The following SNX13 variants were observed in gnomAD, a reference collection of about 807,000 sequenced individuals.
The protein encoded by SNX13 is sorting nexin-13.
A neutral mutation model predicts 133.6 loss-of-function variants in SNX13; 45 were observed. That is an observed-to-expected ratio of 0.34 (90% CI 0.27 to 0.43). SNX13 has a LOEUF of 0.43. Ranked by LOEUF, SNX13 falls within the 20% of genes least tolerant of loss-of-function variation. SNX13 has a pLI of 1.00. For synonymous variants in SNX13, 414 were observed against 373.9 expected, an observed-to-expected ratio of 1.11 and a Z score of -1.24; for missense variants, 1,032 against 1,145.1, an observed-to-expected ratio of 0.90 and a Z score of 1.43.
intron 20 of SNX13, among the ~76,000 whole-genome samples, chr7:17,806,186 C>A (rs978997887): frequency 3.7e-5 from 5 of 136,520 alleles, no homozygotes; most frequent in Non-Finnish European, 7.8e-5. Flanking sequence ...AAATTTAGAT[C>A]TCTAATTATA....
At chr7:17,921,070 G>T (rs1039151707) in intron 1 of SNX13, among the ~76,000 whole-genome samples, 42 of 152,022 alleles carry the variant, frequency 2.8e-4, no homozygotes, top group African/African-American at 9.7e-4. Context: ...GGAGCCTGTG[G>T]GACAACAGCC....
At chr7:17,823,030 G>A (rs1006351934) in intron 17 of SNX13, among the ~76,000 whole-genome samples, 1 of 152,038 alleles carries the variant, frequency 6.6e-6, no homozygotes, top group Non-Finnish European at 1.5e-5. Context: ...GTGACTCTAG[G>A]CTTTATGTAA....
intron 20 of SNX13, among the ~76,000 whole-genome samples, chr7:17,807,603 G>A (rs1268537954): frequency 1.3e-5 from 2 of 152,236 alleles, no homozygotes; most frequent in Admixed American, 1.3e-4. Flanking sequence ...CCAGCACAGC[G>A]ATCGAGCTCT....
intron 9 of SNX13, among the ~76,000 whole-genome samples, chr7:17,862,391 T>C (rs1007175037): frequency 2.6e-5 from 4 of 152,162 alleles, no homozygotes; most frequent in African/African-American, 7.2e-5. Context: ...TTCTACCGCT[T>C]AAAAACATAC....
intron 7 of SNX13, among the ~76,000 whole-genome samples, chr7:17,874,170 T>A (rs1295428058): frequency 6.6e-6 from 1 of 152,220 alleles, no homozygotes; most frequent in Non-Finnish European, 1.5e-5. Context: ...ACAAAGAGTC[T>A]GAACTGCTCA....
rs549207726 is a variant in SNX13 at position 17,908,807 on chromosome 7, A to T, written c.13-11361T>A. 1.4e-4 allele frequency among the ~76,000 whole-genome samples: 21 copies of T among 152,322 alleles called. No homozygotes were observed. The South Asian group carries it at 4.1e-3, about 30-fold the overall frequency. ...AAAACAATACAGTAAGTAAAATGAC[A>T]TATGCTTCAGTTATTACAAGACTTT... is the stretch of plus-strand genomic sequence containing the variant. On this transcript the variant is annotated intron_variant, in intron 1 of 25. Transcript: ENST00000428135.
chr7:17,887,449 G>A (rs1300752619), intron 5 of SNX13, among the ~76,000 whole-genome samples: 1 of 152,022 alleles, frequency 6.6e-6, no homozygotes, highest in African/African-American at 2.4e-5. Context: ...GGTGCTGGAG[G>A]AAAGTTTCCT....
At chr7:17,919,353 T>C (rs952702691) in intron 1 of SNX13, among the ~76,000 whole-genome samples, 7 of 152,290 alleles carry the variant, frequency 4.6e-5, no homozygotes, top group Middle Eastern at 3.4e-3. Flanking sequence ...GGTGACATAC[T>C]ATAGCAAAGT....
chr7:17,893,535 C>T (rs1293842168), intron 2 of SNX13, 101 bp from the exon 3 acceptor site: 1 of 721,956 alleles, frequency 1.4e-6, no homozygotes, highest in African/African-American at 1.8e-5. Flanking sequence ...GATGGCTTAT[C>T]ATTTACTAAA....
At chr7:17,884,259 G>T (rs1795714370) in intron 5 of SNX13, among the ~76,000 whole-genome samples, 1 of 152,136 alleles carries the variant, frequency 6.6e-6, no homozygotes, top group Non-Finnish European at 1.5e-5. Flanking sequence ...GTGATCTTTG[G>T]ATTGTGGGTC....
At chr7:17,798,064 A>G (rs2691585) in intron 24 of SNX13, among the ~76,000 whole-genome samples, 86,009 of 151,672 alleles carry the variant, frequency 0.57, 24,875 homozygotes, top group East Asian at 0.73. Flanking sequence ...TTCAAAATAC[A>G]TGATGCCATG....
intron 3 of SNX13, among the ~76,000 whole-genome samples, chr7:17,892,541 G>C (rs1250927329): frequency 2.0e-5 from 3 of 150,914 alleles, no homozygotes; most frequent in Non-Finnish European, 3.0e-5. Context: ...TCCTAAAGGA[G>C]AGAAAGGTTT....
chr7:17,849,629 C>CG (rs1790967756), intron 11 of SNX13, among the ~76,000 whole-genome samples: 1 of 152,190 alleles, frequency 6.6e-6, no homozygotes, highest in South Asian at 2.1e-4. Flanking sequence ...TCTAACCCCC[C>CG]GGTTCTTCTA....
chr7:17,874,977 C>T (rs6461354), intron 7 of SNX13, among the ~76,000 whole-genome samples: 77,277 of 152,076 alleles, frequency 0.51, 21,541 homozygotes, highest in African/African-American at 0.75. Flanking sequence ...AAAATGTTTG[C>T]GTTTGCTATA....
intron 15 of SNX13, 144 bp downstream of exon 15, chr7:17,833,908 T>C (rs1788817236): frequency 2.0e-6 from 1 of 511,394 alleles, no homozygotes; most frequent in Non-Finnish European, 3.0e-6. Flanking sequence ...CACTAAACTT[T>C]GTCATTCATT....
In SNX13 at chr7:17,819,908, C is replaced by G. The variant is rs1273099431; in HGVS notation, c.1845+1601G>C. 5.3e-5 allele frequency among the ~76,000 whole-genome samples: 8 copies of G among 151,974 alleles called. No individual in the cohort carries two copies. The South Asian group carries it at 1.7e-3, about 32-fold the overall frequency. On this transcript the variant is annotated intron_variant, in intron 18 of 25. Coordinates refer to ENST00000428135, the MANE Select transcript of SNX13 (RefSeq NM_015132.5). ...TTTATAAGAAACACACACACACACACACACACAAACACACAAAAGGAAACA... is the reference window on the plus strand; with the variant it reads ...TTTATAAGAAACACACACACACACAGACACACAAACACACAAAAGGAAACA...
At chr7:17,933,416 G>A (rs891007276) in intron 1 of SNX13, among the ~76,000 whole-genome samples, 19 of 151,930 alleles carry the variant, frequency 1.3e-4, no homozygotes, top group Admixed American at 2.6e-4. Context: ...GCTGGCACGC[G>A]CCTGTAGTCC....
At chr7:17,827,991 T>C (rs552790940) in intron 16 of SNX13, among the ~76,000 whole-genome samples, 1 of 151,906 alleles carries the variant, frequency 6.6e-6, no homozygotes, top group South Asian at 2.1e-4. Context: ...TTAATAATGG[T>C]AACCTTCCCT....
chr7:17,810,147 C>A (rs560563043), intron 20 of SNX13, among the ~76,000 whole-genome samples: 1 of 151,742 alleles, frequency 6.6e-6, no homozygotes, highest in Non-Finnish European at 1.5e-5. Context: ...GATAGAGACA[C>A]GAAAAACGCT....
Sources: gnomAD v4.1 joint callset for allele counts (sites outside exome capture counted in the v4.1 genomes callset) on GRCh38, gnomAD v4.1.1 for gene constraint, MANE v1.5 for transcripts, NCBI Gene and HGNC (gene_info 2026-07-23, HGNC 2026-07-21) for gene names.